TLK1: variants seen among roughly 807,000 people sequenced by gnomAD.
TLK1 encodes the protein tousled like kinase 1, also known as serine/threonine-protein kinase tousled-like 1.
In TLK1, 24 loss-of-function variants were observed where a neutral mutation model predicts 105.3. That is an observed-to-expected ratio of 0.23 (90% CI 0.17 to 0.32). TLK1 has a LOEUF of 0.32. Ranked by LOEUF, TLK1 falls within the 10% of genes least tolerant of loss-of-function variation. The probability of loss-of-function intolerance (pLI) is 1.00; values close to 1 mark genes in which losing one functional copy is unlikely to be tolerated. For missense variants in TLK1, 558 were observed against 910.5 expected (o/e 0.61, Z 4.98); for synonymous variants, 321 against 310.4 (o/e 1.03, Z -0.36).
chr2:171,204,491 G>A (rs1236923285), intron 1 of TLK1, among the ~76,000 whole-genome samples: 5 of 151,714 alleles, frequency 3.3e-5, no homozygotes, highest in Non-Finnish European at 7.4e-5. Context: ...AATGTTGAAA[G>A]GACAAAAGAG....
intron 3 of TLK1, among the ~76,000 whole-genome samples, chr2:171,082,400 T>C (rs965875119): frequency 6.6e-6 from 1 of 151,994 alleles, no homozygotes; most frequent in Non-Finnish European, 1.5e-5. Context: ...TCTCAGAAAG[T>C]ACACAAACTC....
At position 170,993,170 on chromosome 2, in the gene TLK1, C is replaced by G. The variant is rs1465728463; in HGVS notation, c.*610G>C. 6.6e-6 allele frequency: 1 copy of G among 152,526 alleles called. No homozygotes were observed. Among genetic ancestry groups the G allele is most frequent in the African/African-American group, 2.4e-5 (1 of 41,412 alleles). The allele number at this position is 152,526 out of a possible 1,614,324, so 9.4% of individuals were successfully genotyped here. On this transcript the variant is annotated 3_prime_UTR_variant, in exon 21 of 21. Coordinates refer to ENST00000431350, the MANE Select transcript of TLK1 (RefSeq NM_012290.5). ...GTGAAAGAAAACGGACATGTGATCT[C>G]GAGGTACAACTTGGTAAAAGTCTGA... is the stretch of plus-strand genomic sequence containing the variant.
intron 12 of TLK1, among the ~76,000 whole-genome samples, chr2:171,026,626 A>C (rs1685785466): frequency 6.6e-6 from 1 of 152,160 alleles, no homozygotes; most frequent in Admixed American, 6.5e-5. Flanking sequence ...TAACTAAGTA[A>C]ATAAGTATTC....
intron 1 of TLK1, among the ~76,000 whole-genome samples, chr2:171,151,158 C>T (rs1188939808): frequency 6.6e-6 from 1 of 152,030 alleles, no homozygotes; most frequent in Non-Finnish European, 1.5e-5. Flanking sequence ...GCTGCAACTA[C>T]AGGCGTGCAC....
intron 13 of TLK1, among the ~76,000 whole-genome samples, chr2:171,013,316 CACTT>C (rs1685014704): frequency 7.7e-6 from 1 of 130,244 alleles, no homozygotes; most frequent in Non-Finnish European, 1.6e-5. Context: ...CCTGGCCCCT[CACTT>C]TTTTTTTTTT....
In TLK1 at chr2:170,993,668, T is replaced by TAAAAAAAAAAAAAAAAAAAAAA; in HGVS notation, c.*90_*111dup. 2.3e-6 allele frequency: 1 copy of TAAAAAAAAAAAAAAAAAAAAAA among 430,110 alleles called. No individual in the cohort carries two copies. Among genetic ancestry groups the TAAAAAAAAAAAAAAAAAAAAAA allele is most frequent in the Admixed American group, 6.4e-5 (1 of 15,536 alleles). 26.6% of individuals were successfully genotyped at this position (430,110 alleles called of 1,614,324 possible). Reference sequence around the variant, plus strand: ...AAACAGTTCTTAACCACGTCTTGTGTAAAAAAAAAAAAAAAAAAAAAAGAA... The same window carrying TAAAAAAAAAAAAAAAAAAAAAA: ...AAACAGTTCTTAACCACGTCTTGTGTAAAAAAAAAAAAAAAAAAAAAAAAAAAAAAAAAAAAAAAAAAAAGAA... On this transcript the variant is annotated 3_prime_UTR_variant, in exon 21 of 21. Coordinates refer to ENST00000431350, the MANE Select transcript of TLK1 (RefSeq NM_012290.5).
upstream of TLK1, chr2:171,160,900 T>C: frequency 3.8e-6 from 1 of 264,208 alleles, no homozygotes. The surrounding 1 kb of genome is among the most constrained non-coding windows in gnomAD (Gnocchi z 4.4). Context: ...CTGCATCAGT[T>C]ACAGGCGGCG....
At chr2:171,154,358 A>G (rs1692155615) in intron 1 of TLK1, 1 of 152,028 alleles carries the variant, frequency 6.6e-6, no homozygotes, top group South Asian at 2.1e-4. Flanking sequence ...GACCTTTGAG[A>G]GCCTCTAATC....
intron 20 of TLK1, chr2:170,994,841 TTCA>T (rs1683977237): frequency 2.7e-6 from 1 of 372,340 alleles, no homozygotes; most frequent in Non-Finnish European, 5.3e-6. Context: ...AATTTTGAGG[TTCA>T]TCCTTTTTTG....
Position 171,107,752 on chromosome 2 carries a change from TAAC to T in TLK1, c.258+9984_258+9986del, listed in dbSNP as rs1269648432. The stretch of plus-strand genomic sequence containing the variant: ...GAATTTCAAAGACAATAATGAATTA[TAAC>T]AACAGAATAAAAAAAGGAGCTGGCC... On this transcript the variant is annotated intron_variant, in intron 2 of 20. Transcript: ENST00000431350. 3.3e-5 allele frequency among the ~76,000 whole-genome samples: 5 copies of T among 151,992 alleles called. No homozygotes were observed. In the East Asian group the frequency reaches 9.6e-4, roughly 29 times the overall value.
chr2:171,049,999 A>C, intron 9 of TLK1, 49 bp from the exon 10 acceptor site: 1 of 1,611,116 alleles, frequency 6.2e-7, no homozygotes. Context: ...ATTAATTTAT[A>C]AAAGCATACA....
chr2:171,161,245 C>T (rs1442591754), upstream of TLK1, among the ~76,000 whole-genome samples: 1 of 151,472 alleles, frequency 6.6e-6, no homozygotes, highest in Non-Finnish European at 1.5e-5. Context: ...ACCTGACTCC[C>T]CCTGTCTCCC....
intron 2 of TLK1, chr2:171,091,575 A>AAGG (rs1471195113): frequency 6.6e-6 from 1 of 152,200 alleles, no homozygotes; most frequent in Non-Finnish European, 1.5e-5. Context: ...GAGAAATTCT[A>AAGG]AGGAGGGTCC....
intron 12 of TLK1, among the ~76,000 whole-genome samples, chr2:171,018,257 G>C (rs1161622607): frequency 6.6e-6 from 1 of 152,218 alleles, no homozygotes; most frequent in Non-Finnish European, 1.5e-5. Flanking sequence ...AAGCCAGCAA[G>C]AGAGCCCTTA....
At chr2:171,204,851 G>A (rs218314) in intron 1 of TLK1, among the ~76,000 whole-genome samples, 94,236 of 151,686 alleles carry the variant, frequency 0.62, 30,228 homozygotes, top group East Asian at 0.77. Flanking sequence ...CCAGCTACTC[G>A]GGAGGCTGAG....
rs6733566 is a variant in TLK1 at position 171,148,646 on chromosome 2, G to A, written c.139+11644C>T. 4.5e-3 allele frequency among the ~76,000 whole-genome samples: 686 copies of A among 152,050 alleles called. 7 individuals carry two copies. The highest frequency in any genetic ancestry group is 0.015 in the African/African-American group (626 of 41,472). On this transcript the variant is annotated intron_variant, in intron 1 of 20. Transcript: ENST00000431350. ...ACCTGGAATCCCAGCACTTTAGGAG[G>A]CCCAGAAGGGCAGATCACCTGAGGT...
At chr2:171,084,283 G>T (rs1457614145) in intron 2 of TLK1, among the ~76,000 whole-genome samples, 1 of 152,152 alleles carries the variant, frequency 6.6e-6, no homozygotes, top group African/African-American at 2.4e-5. Context: ...TAAGTGGGAG[G>T]AGTCCACGGT....
At chr2:171,041,070 A>G (rs1042050345) in intron 11 of TLK1, among the ~76,000 whole-genome samples, 5 of 152,196 alleles carry the variant, frequency 3.3e-5, no homozygotes, top group African/African-American at 1.2e-4. Flanking sequence ...ATCTTGGTTA[A>G]AATGTATTAG....
chr2:171,085,614 T>C (rs543181549), intron 2 of TLK1, among the ~76,000 whole-genome samples: 23 of 152,162 alleles, frequency 1.5e-4, no homozygotes, highest in Non-Finnish European at 3.4e-4. Flanking sequence ...AAAAGCAAAG[T>C]GTTTTATATT....
Sources: allele counts gnomAD v4.1 joint callset (sites outside exome capture counted in the v4.1 genomes callset), GRCh38; gene constraint gnomAD v4.1.1; non-coding constraint Gnocchi (gnomAD v3.1); transcripts MANE v1.5; gene names NCBI Gene and HGNC (gene_info 2026-07-23, HGNC 2026-07-21).